MYO9A: variants seen among roughly 807,000 people sequenced by gnomAD.
The protein encoded by MYO9A is myosin IXA, also known as unconventional myosin-IXa.
In MYO9A, 103 loss-of-function variants were observed where a neutral mutation model predicts 293.3. The ratio of observed to expected loss-of-function variants is 0.35; its 90% confidence interval spans 0.30 to 0.41. MYO9A has a LOEUF of 0.41. Among genes scored for constraint, MYO9A ranks in the 10% least tolerant of loss-of-function variants. MYO9A has a pLI of 1.00. For synonymous variants in MYO9A, 1,001 were observed against 1,035.7 expected, an observed-to-expected ratio of 0.97 and a Z score of 0.64; for missense variants, 2,685 against 3,033.0, an observed-to-expected ratio of 0.89 and a Z score of 2.69.
intron 1 of MYO9A, among the ~76,000 whole-genome samples, chr15:72,063,184 T>C (rs966772654): frequency 1.3e-5 from 2 of 152,224 alleles, no homozygotes; most frequent in South Asian, 2.1e-4. Flanking sequence ...CTTGGAAAAC[T>C]GGACATCCAT....
intron 13 of MYO9A, among the ~76,000 whole-genome samples, chr15:71,962,629 T>C (rs1343367210): frequency 6.6e-6 from 1 of 152,188 alleles, no homozygotes; most frequent in Non-Finnish European, 1.5e-5. Context: ...ACGTAACTTA[T>C]TTTTACCCAG....
chr15:71,929,845 A>G (rs534632415), intron 18 of MYO9A, among the ~76,000 whole-genome samples: 7 of 152,320 alleles, frequency 4.6e-5, no homozygotes, highest in Admixed American at 4.6e-4. Context: ...ATGGGAGTTC[A>G]ACTCTTAGTT....
intron 24 of MYO9A, 102 bp downstream of exon 24, chr15:71,899,585 T>G (rs2057424536): frequency 9.5e-7 from 1 of 1,050,250 alleles, no homozygotes; most frequent in Non-Finnish European, 1.4e-6. Context: ...ACAAATTGTA[T>G]ACAACCAATT....
At chr15:71,885,490 C>CT (rs1596107091) in intron 27 of MYO9A, among the ~76,000 whole-genome samples, 1 of 152,060 alleles carries the variant, frequency 6.6e-6, no homozygotes, top group Non-Finnish European at 1.5e-5. Context: ...GTATTAGGTA[C>CT]TTTATCAGTT....
intron 40 of MYO9A, 90 bp downstream of exon 40, chr15:71,830,019 G>T: frequency 1.5e-6 from 2 of 1,290,392 alleles, no homozygotes; most frequent in Non-Finnish European, 1.1e-6. Flanking sequence ...ACACACAGGA[G>T]ATAATAAATA....
chr15:71,839,688 G>T (rs559046340), intron 39 of MYO9A, among the ~76,000 whole-genome samples: 1 of 152,142 alleles, frequency 6.6e-6, no homozygotes, highest in African/African-American at 2.4e-5. Flanking sequence ...GGGATTATAG[G>T]CATGAACTAC....
chr15:71,897,466 A>G lies in MYO9A; in HGVS notation c.5037T>C (p.Ile1679=). The part of the protein sequence containing the change: ...IFFTPKDNMS[I]PLVSKEALNS... ...TAAATAAACATTTCACTTACAGGGG[A>G]ATACTCATATTGTCCTTTGGAGTGA... Residue 1679 remains isoleucine (I), a synonymous_variant, in exon 25 of 42, where the codon ATT becomes ATC. Transcript: ENST00000356056. 1.2e-6 allele frequency: 2 copies of G among 1,603,466 alleles called. No homozygotes were observed. Among genetic ancestry groups the G allele is most frequent in the Non-Finnish European group, 1.7e-6 (2 of 1,173,864 alleles).
intron 32 of MYO9A, among the ~76,000 whole-genome samples, chr15:71,874,306 A>C (rs2056612105): frequency 6.6e-6 from 1 of 152,170 alleles, no homozygotes; most frequent in South Asian, 2.1e-4. Context: ...AATTTTTGGC[A>C]GGGTTGAATC....
chr15:71,903,863 G>A (rs1170140868), intron 21 of MYO9A, 66 bp downstream of exon 21: 2 of 1,334,826 alleles, frequency 1.5e-6, no homozygotes, highest in African/African-American at 2.9e-5. Flanking sequence ...GAAATAATAA[G>A]CAAGATATGT....
chr15:71,989,426 C>G (rs959481628), intron 11 of MYO9A, among the ~76,000 whole-genome samples: 1 of 152,136 alleles, frequency 6.6e-6, no homozygotes, highest in Non-Finnish European at 1.5e-5. Context: ...CCTGTGGATA[C>G]CAAATCCACA....
At chr15:72,017,324 A>C (rs1248373100) in intron 6 of MYO9A, among the ~76,000 whole-genome samples, 1 of 152,082 alleles carries the variant, frequency 6.6e-6, no homozygotes, top group African/African-American at 2.4e-5. Context: ...CCAAATTCTT[A>C]AGTATTACTT....
intron 6 of MYO9A, among the ~76,000 whole-genome samples, chr15:72,012,544 C>T (rs1038564093): frequency 3.9e-5 from 6 of 152,012 alleles, no homozygotes; most frequent in Non-Finnish European, 8.8e-5. Flanking sequence ...GTGATCCACC[C>T]GCCTCAGCCT....
intron 34 of MYO9A, among the ~76,000 whole-genome samples, chr15:71,858,367 T>C (rs948202563): frequency 1.3e-5 from 2 of 152,008 alleles, no homozygotes; most frequent in African/African-American, 2.4e-5. Flanking sequence ...CAAATGTCCA[T>C]CAATGATAGA....
At chr15:71,887,947 T>C (rs1167082602) in intron 27 of MYO9A, 57 bp downstream of exon 27, 10 of 987,674 alleles carry the variant, frequency 1.0e-5, no homozygotes, top group Non-Finnish European at 1.5e-5. Context: ...TACTTAACTA[T>C]AGTCAGTTAT....
intron 1 of MYO9A, among the ~76,000 whole-genome samples, chr15:72,112,662 C>T (rs1042534384): frequency 6.6e-6 from 1 of 152,170 alleles, no homozygotes; most frequent in African/African-American, 2.4e-5. Context: ...GTTCTTTCTA[C>T]AGGATCAAAA....
At chr15:71,870,213 G>A (rs1213247730) in intron 32 of MYO9A, among the ~76,000 whole-genome samples, 2 of 150,480 alleles carry the variant, frequency 1.3e-5, no homozygotes, top group African/African-American at 4.9e-5. Flanking sequence ...GGTAAAAGTG[G>A]TTAAAAAAAA....
chr15:72,054,110 C>G (rs978772686), intron 1 of MYO9A, among the ~76,000 whole-genome samples: 1 of 151,958 alleles, frequency 6.6e-6, no homozygotes, highest in Non-Finnish European at 1.5e-5. Context: ...GAAGAAATAC[C>G]ATGCAAACAC....
rs781455744 is a variant in MYO9A, at chr15:71,901,388, A to T, written c.3001-48T>A. 9 of 1,548,022 alleles carry T rather than the reference A, an allele frequency of 5.8e-6. No individual in the cohort carries two copies. In the South Asian group the frequency reaches 1.1e-4, roughly 19 times the overall value. On this transcript the variant is annotated intron_variant, in intron 22 of 41. Coordinates refer to ENST00000356056, the MANE Select transcript of MYO9A (RefSeq NM_006901.4). Reference sequence around the variant, plus strand: ...GGAATGCAGCTTAAGAAGAAATGAGAAATTTATTTCATGAATCATCCTTTC... The same window carrying T: ...GGAATGCAGCTTAAGAAGAAATGAGTAATTTATTTCATGAATCATCCTTTC...
At chr15:71,874,782 C>T (rs961577956) in intron 32 of MYO9A, among the ~76,000 whole-genome samples, 2 of 152,056 alleles carry the variant, frequency 1.3e-5, no homozygotes, top group African/African-American at 4.8e-5. Context: ...TATGAACATG[C>T]AACACTTAAG....
Sources: allele counts gnomAD v4.1 joint callset (sites outside exome capture counted in the v4.1 genomes callset), GRCh38; gene constraint gnomAD v4.1.1; transcripts MANE v1.5; gene names NCBI Gene and HGNC (gene_info 2026-07-23, HGNC 2026-07-21).